The following GGCX variants were observed in gnomAD, a reference collection of about 807,000 sequenced individuals.
GGCX encodes vitamin K-dependent gamma-carboxylase.
A neutral mutation model predicts 88.5 loss-of-function variants in GGCX; 63 were observed. The observed-to-expected ratio is 0.71, with a 90% CI of 0.58 to 0.88. The LOEUF (loss-of-function observed/expected upper bound fraction) is 0.88, where lower values mean the gene tolerates loss of function less well. Among genes scored for constraint, GGCX ranks in the 40% least tolerant of loss-of-function variants. The pLI, the probability that GGCX is intolerant of heterozygous loss-of-function variation, is 0.00. For missense variants in GGCX, 805 were observed against 932.9 expected (o/e 0.86, Z 1.79); for synonymous variants, 368 against 365.8 (o/e 1.01, Z -0.07).
intron 7 of GGCX, chr2:85,553,868 T>G (rs1422011103): frequency 1.8e-5 from 9 of 499,440 alleles, no homozygotes; most frequent in African/African-American, 3.9e-5. Flanking sequence ...CCCAAAGTGC[T>G]AGGATTACAA....
chr2:85,558,040 A>G (rs1012770875), intron 4 of GGCX, among the ~76,000 whole-genome samples: 1 of 152,140 alleles, frequency 6.6e-6, no homozygotes, highest in Admixed American at 6.5e-5. Context: ...TCTGCCTCAC[A>G]GCAACTTCTA....
chr2:85,559,153 T>G, intron 2 of GGCX, 78 bp from the exon 3 acceptor site: 6 of 1,199,084 alleles, frequency 5.0e-6, no homozygotes, highest in Non-Finnish European at 7.4e-6. Context: ...CAGTTGACAG[T>G]GTGCAGCTCC....
chr2:85,552,052 T>C, intron 10 of GGCX, 71 bp from the exon 11 acceptor site: 1 of 1,100,710 alleles, frequency 9.1e-7, no homozygotes, highest in Non-Finnish European at 1.4e-6. Context: ...TTCTCTCCCT[T>C]TCATCATCAT....
chr2:85,561,088 G>A, intron 1 of GGCX, 103 bp from the exon 2 acceptor site: 2 of 984,674 alleles, frequency 2.0e-6, no homozygotes, highest in Non-Finnish European at 3.3e-6. Context: ...CACCCGGGTC[G>A]GCTCAATGAG....
Position 85,558,577 on chromosome 2 carries a change from G to T in GGCX, c.402C>A (p.Cys134Ter). ...LGALGMMLGLCYRISCVLFLL... is the reference protein window; with the variant it reads ...LGALGMMLGL ...GGAATAACACACAGCTTATCCGGTA[G>T]CACAGGCCCAGCATCATGCCCAGTG... The change falls in exon 4 of 15, where the codon TGC becomes TGA. Residue 134 changes from cysteine to a stop codon, truncating the protein, a stop_gained. Coordinates refer to ENST00000233838, the MANE Select transcript of GGCX (RefSeq NM_000821.7). LOFTEE classifies it high-confidence loss of function. 1 of 1,613,606 alleles carries T rather than the reference G, an allele frequency of 6.2e-7. No individual in the cohort carries two copies. The highest frequency in any genetic ancestry group is 8.5e-7 in the Non-Finnish European group (1 of 1,179,526).
chr2:85,554,241 A>C lies in GGCX; in HGVS notation c.791T>G (p.Leu264Arg). 1 of 1,613,648 alleles carries C rather than the reference A, an allele frequency of 6.2e-7. No homozygotes were observed. Among genetic ancestry groups the C allele is most frequent in the Non-Finnish European group, 8.5e-7 (1 of 1,179,492 alleles). Residue 264 changes from leucine to arginine, a missense_variant, in exon 7 of 15, where the codon CTC (leucine) becomes CGC (arginine). This residue lies in a region of GGCX where 680 missense variants were observed against 763.7 expected (regional missense o/e 0.89). Transcript: ENST00000233838. ...VVHWGGLLLD[L>R]SAGFLLFFDV... ...AAAAAAGAGCAGGAAACCAGCTGAG[A>C]GGTCAAGCAGCAGCCCACCCCAGTG...
In GGCX at chr2:85,547,989, T is replaced by C. The variant is rs533301936; in HGVS notation, c.*1945A>G. The C allele has an allele frequency of 1.3e-5, 2 of 152,278 alleles. No individual in the cohort carries two copies. The highest frequency in any genetic ancestry group is 4.1e-4 in the South Asian group (2 of 4,822). 9.4% of individuals were successfully genotyped at this position (152,278 alleles called of 1,614,324 possible). A position where few individuals can be genotyped will look rare whatever the true frequency, so the allele number is the denominator to read the frequency against. On this transcript the variant is annotated 3_prime_UTR_variant, in exon 15 of 15. Transcript: ENST00000233838. ...CAAGGCAGGTGGATACTTAAGGTCA[T>C]GAGTTTGAGACCAGCCTGGCCAATG...
rs1365770630 is a variant in GGCX, at chr2:85,550,076, GA to G, written c.2134del (p.Ser712ProfsTer9). 1 of 1,613,530 alleles carries G rather than the reference GA, an allele frequency of 6.2e-7. No homozygotes were observed. Among genetic ancestry groups the G allele is most frequent in the South Asian group, 1.1e-5 (1 of 91,074 alleles). On this transcript the variant is annotated frameshift_variant, in exon 15 of 15. Transcript: ENST00000233838. LOFTEE classifies it high-confidence loss of function. ...SLRNLILGRP[S>X]LEQLAQEVTY... ...CACCTCCTGGGCCAGCTGCTCCAGG[GA>G]AGGACGGCCTAATATCAGATTTCGA...
intron 13 of GGCX, 30 bp downstream of exon 13, chr2:85,550,895 C>T (rs750563301): frequency 1.2e-6 from 2 of 1,611,900 alleles, no homozygotes; most frequent in Admixed American, 1.7e-5. Context: ...AAACCAGAGG[C>T]TATCTCAGCC....
intron 6 of GGCX, 29 bp downstream of exon 6, chr2:85,555,455 A>G: frequency 9.1e-7 from 1 of 1,104,166 alleles, no homozygotes; most frequent in Non-Finnish European, 1.4e-6. Flanking sequence ...CCATGCCTCA[A>G]AGAGGCCTCC....
chr2:85,560,526 C>T lies in GGCX; in HGVS notation c.214+289G>A, dbSNP rs546249798. 6.6e-5 allele frequency among the ~76,000 whole-genome samples: 10 copies of T among 152,102 alleles called. No homozygotes were observed. In the East Asian group the frequency reaches 1.9e-3, roughly 29 times the overall value. On this transcript the variant is annotated intron_variant, in intron 2 of 14. Transcript: ENST00000233838. ...ACTGAGGGAGGAGAATCGCTTTAAC[C>T]CGGGTGGCGGAGGTTACAGTGAGCC...
At chr2:85,552,136 G>A (rs943731392) in intron 10 of GGCX, among the ~76,000 whole-genome samples, 155 bp from the exon 11 acceptor site, 1 of 152,206 alleles carries the variant, frequency 6.6e-6, no homozygotes, top group Non-Finnish European at 1.5e-5. Context: ...AGAGAAAGAA[G>A]GCAGAAGAGA....
At chr2:85,553,103 A>G (rs895246990) in intron 8 of GGCX, 33 bp from the exon 9 acceptor site, 9 of 1,613,872 alleles carry the variant, frequency 5.6e-6, no homozygotes, top group Non-Finnish European at 7.6e-6. Flanking sequence ...AATCAGCTCA[A>G]TGCTTCTCAC....
chr2:85,552,297 G>A lies in GGCX; in HGVS notation c.1439+119C>T, dbSNP rs1402356660. 6.1e-6 allele frequency: 6 copies of A among 988,934 alleles called. No homozygotes were observed. In the East Asian group the frequency reaches 9.5e-5, roughly 16 times the overall value. The allele number at this position is 988,934 out of a possible 1,614,324, so 61.3% of individuals were successfully genotyped here. A position where few individuals can be genotyped will look rare whatever the true frequency, so the allele number is the denominator to read the frequency against. On this transcript the variant is annotated intron_variant, in intron 10 of 14. Coordinates refer to ENST00000233838, the MANE Select transcript of GGCX (RefSeq NM_000821.7). Reference sequence around the variant, plus strand: ...CTATGCCCACAACCAGATCAAGGGGGACATGCACTAGAGGAAGGACAGCTT... The same window carrying A: ...CTATGCCCACAACCAGATCAAGGGGAACATGCACTAGAGGAAGGACAGCTT...
chr2:85,556,218 G>A lies in GGCX; in HGVS notation c.582C>T (p.His194=), dbSNP rs76767923. 4.1e-3 allele frequency: 6,593 copies of A among 1,612,906 alleles called. 20 individuals carry two copies. Among genetic ancestry groups the A allele is most frequent in the Non-Finnish European group, 5.2e-3 (6,082 of 1,178,882 alleles). ...GCACTGCATAGTTCCAAAGGGGCAC[G>A]TGGGCATTCCTCCTATGGGCATTCA... ...GLLNAHRRNA[H]VPLWNYAVLR... The change falls in exon 5 of 15, where the codon CAC becomes CAT. Residue 194 remains histidine, a synonymous_variant. Transcript: ENST00000233838.
intron 1 of GGCX, 30 bp from the exon 2 acceptor site, chr2:85,561,015 T>C (rs1450364661): frequency 1.3e-6 from 2 of 1,575,740 alleles, no homozygotes; most frequent in African/African-American, 2.7e-5. Context: ...AAAATATGTG[T>C]GCGGGGGTGG....
At chr2:85,557,796 G>A (rs989461616) in intron 4 of GGCX, among the ~76,000 whole-genome samples, 4 of 152,186 alleles carry the variant, frequency 2.6e-5, no homozygotes, top group Non-Finnish European at 4.4e-5. Flanking sequence ...GACTGTTAAT[G>A]AATTCAATGT....
At position 85,545,674 on chromosome 2, in the gene GGCX, T is replaced by G. The variant is rs962060806; in HGVS notation, c.*4260A>C. 11 of 151,724 alleles carry G rather than the reference T, an allele frequency of 7.3e-5. No homozygotes were observed. Among genetic ancestry groups the G allele is most frequent in the Non-Finnish European group, 1.5e-5 (1 of 68,036 alleles). 9.4% of individuals were successfully genotyped at this position (151,724 alleles called of 1,614,324 possible). A position where few individuals can be genotyped will look rare whatever the true frequency, so the allele number is the denominator to read the frequency against. ...CAGCCATTCAATGCCATTTTTAAGT[T>G]TTCAACTAAGGTTGAGGGCTTCAAA... On this transcript the variant is annotated 3_prime_UTR_variant, in exon 15 of 15. Coordinates refer to ENST00000233838, the MANE Select transcript of GGCX (RefSeq NM_000821.7).
chr2:85,558,816 C>A, intron 3 of GGCX, 101 bp downstream of exon 3: 1 of 1,097,466 alleles, frequency 9.1e-7, no homozygotes. Context: ...TTGATCACAG[C>A]AGAAGTGAAA....
Sources: allele counts gnomAD v4.1 joint callset (sites outside exome capture counted in the v4.1 genomes callset), GRCh38; gene constraint gnomAD v4.1.1; regional missense constraint gnomAD v4.1.1; transcripts MANE v1.5; gene names NCBI Gene and HGNC (gene_info 2026-07-23, HGNC 2026-07-21).